Variants in TRIM71 observed in about 807,000 individuals in gnomAD.
TRIM71 encodes tripartite motif containing 71.
TRIM71 carries 9 observed loss-of-function variants against 61.2 expected under a neutral mutation model. The ratio of observed to expected loss-of-function variants is 0.15; its 90% confidence interval spans 0.09 to 0.26. TRIM71 has a LOEUF of 0.26. TRIM71 is among the 10% of genes least tolerant of loss of function. The pLI, the probability that TRIM71 is intolerant of heterozygous loss-of-function variation, is 1.00. For missense variants in TRIM71, 998 were observed against 1,238.7 expected (o/e 0.81, Z 2.92); for synonymous variants, 645 against 553.2 (o/e 1.17, Z -2.33).
chr3:32,818,072 G>A lies in TRIM71; in HGVS notation c.-9G>A. The A allele has an allele frequency of 6.2e-7, 1 of 1,609,808 alleles. No individual in the cohort carries two copies. The highest frequency in any genetic ancestry group is 8.5e-7 in the Non-Finnish European group (1 of 1,177,672). Reference sequence around the variant, plus strand: ...TCTGGTCTCCTCCCTCCTCCGGGCTGGGTTGCAAATGGCTTCGTTCCCCGA... The same window carrying A: ...TCTGGTCTCCTCCCTCCTCCGGGCTAGGTTGCAAATGGCTTCGTTCCCCGA... On this transcript the variant is annotated 5_prime_UTR_variant, in exon 1 of 4. Coordinates refer to ENST00000383763, the MANE Select transcript of TRIM71 (RefSeq NM_001039111.3).
At chr3:32,867,745 T>G (rs1404236569) in intron 1 of TRIM71, among the ~76,000 whole-genome samples, 1 of 152,214 alleles carries the variant, frequency 6.6e-6, no homozygotes, top group Non-Finnish European at 1.5e-5. Flanking sequence ...CACATAAAAA[T>G]GTACTCAGTG....
In TRIM71 at chr3:32,883,034, G is replaced by A. The variant is rs76739599; in HGVS notation, c.1021-2900G>A. ...TTCTGCAGGTACTCTCTGCCTCAGT[G>A]TGCTCTTTGCCCCAGCAGTTCTCCC... On this transcript the variant is annotated intron_variant, in intron 2 of 3. Transcript: ENST00000383763. Among the ~76,000 whole-genome samples, 2,146 of 152,292 alleles carry A rather than the reference G, an allele frequency of 0.014. 139 individuals are homozygous for A. In the East Asian group the frequency reaches 0.21, roughly 15 times the overall value.
intron 1 of TRIM71, among the ~76,000 whole-genome samples, chr3:32,852,018 GAGA>G (rs1204885786): frequency 3.3e-5 from 5 of 152,212 alleles, no homozygotes; most frequent in Non-Finnish European, 7.3e-5. Flanking sequence ...ATTCAGGAGA[GAGA>G]AGTACCCAAA....
chr3:32,818,049 T>C lies in TRIM71; in HGVS notation c.-32T>C. On this transcript the variant is annotated 5_prime_UTR_variant, in exon 1 of 4. Coordinates refer to ENST00000383763, the MANE Select transcript of TRIM71 (RefSeq NM_001039111.3). ...TCCTCCTCCTCCTCCTCTTCCTCTC[T>C]GGTCTCCTCCCTCCTCCGGGCTGGG... 1 of 1,601,856 alleles carries C rather than the reference T, an allele frequency of 6.2e-7. No homozygotes were observed. Among genetic ancestry groups the C allele is most frequent in the Non-Finnish European group, 8.5e-7 (1 of 1,171,430 alleles).
At chr3:32,825,706 TA>T (rs1418632056) in intron 1 of TRIM71, among the ~76,000 whole-genome samples, 1 of 149,498 alleles carries the variant, frequency 6.7e-6, no homozygotes, top group Non-Finnish European at 1.5e-5. Flanking sequence ...AAGAGAAAGA[TA>T]ATGATAAAGA....
chr3:32,889,559 A>AATTATTATTATT (rs35065462), intron 3 of TRIM71, among the ~76,000 whole-genome samples: 41 of 139,596 alleles, frequency 2.9e-4, no homozygotes, highest in Middle Eastern at 3.7e-3. Context: ...GTTTTGTCCC[A>AATTATTATTATT]ATTATTATTA....
intron 1 of TRIM71, among the ~76,000 whole-genome samples, chr3:32,861,894 C>T (rs1214254380): frequency 2.6e-5 from 4 of 152,136 alleles, no homozygotes; most frequent in South Asian, 2.1e-4. Context: ...ACCTGAGCCT[C>T]GGCAATCCCA....
At chr3:32,879,456 T>C (rs1347334896) in intron 2 of TRIM71, among the ~76,000 whole-genome samples, 1 of 152,204 alleles carries the variant, frequency 6.6e-6, no homozygotes, top group Non-Finnish European at 1.5e-5. Context: ...ACCTTTTCTT[T>C]CACTTGAACA....
intron 1 of TRIM71, among the ~76,000 whole-genome samples, chr3:32,857,294 C>T (rs946807376): frequency 9.9e-5 from 15 of 152,198 alleles, no homozygotes; most frequent in African/African-American, 3.6e-4. Flanking sequence ...TGGGTCTGTC[C>T]CATTCTCCCT....
chr3:32,845,451 A>G (rs932155670), intron 1 of TRIM71, among the ~76,000 whole-genome samples: 3 of 152,192 alleles, frequency 2.0e-5, no homozygotes, highest in Non-Finnish European at 4.4e-5. Context: ...CACCATGAAC[A>G]GTCTTGCTGC....
At position 32,818,066 on chromosome 3, in the gene TRIM71, C is replaced by T; in HGVS notation, c.-15C>T. ...TTCCTCTCTGGTCTCCTCCCTCCTC[C>T]GGGCTGGGTTGCAAATGGCTTCGTT... On this transcript the variant is annotated 5_prime_UTR_variant, in exon 1 of 4. Coordinates refer to ENST00000383763, the MANE Select transcript of TRIM71 (RefSeq NM_001039111.3). 2 of 1,609,490 alleles carry T rather than the reference C, an allele frequency of 1.2e-6. No homozygotes were observed. Among genetic ancestry groups the T allele is most frequent in the South Asian group, 1.1e-5 (1 of 91,014 alleles).
intron 1 of TRIM71, among the ~76,000 whole-genome samples, chr3:32,838,863 C>T (rs1311158968): frequency 6.6e-6 from 1 of 151,732 alleles, no homozygotes; most frequent in African/African-American, 2.4e-5. Context: ...TGCAGTGTTG[C>T]GATCTCAGCT....
At chr3:32,852,768 A>C (rs540615857) in intron 1 of TRIM71, among the ~76,000 whole-genome samples, 4 of 141,898 alleles carry the variant, frequency 2.8e-5, no homozygotes, top group South Asian at 4.5e-4. Context: ...TTAAAAAAAA[A>C]AAAAAACAAA....
intron 1 of TRIM71, among the ~76,000 whole-genome samples, chr3:32,864,733 T>C (rs1696712202): frequency 6.6e-6 from 1 of 152,080 alleles, no homozygotes; most frequent in Admixed American, 6.6e-5. Context: ...GTAAAGGAAA[T>C]GTCAGGCATA....
intron 1 of TRIM71, among the ~76,000 whole-genome samples, chr3:32,866,455 G>C (rs1410725990): frequency 6.6e-6 from 1 of 152,050 alleles, no homozygotes; most frequent in East Asian, 1.9e-4. Flanking sequence ...GGCCAGGCTA[G>C]TCAACAAGTG....
At chr3:32,820,683 C>T (rs563576897) in intron 1 of TRIM71, among the ~76,000 whole-genome samples, 5 of 152,250 alleles carry the variant, frequency 3.3e-5, no homozygotes, top group African/African-American at 1.2e-4. Flanking sequence ...TTTATTTGGG[C>T]TGAAACAGTA....
At position 32,891,874 on chromosome 3, in the gene TRIM71, T is replaced by TG. The variant is rs1697030426; in HGVS notation, c.*63_*64insG. On this transcript the variant is annotated 3_prime_UTR_variant, in exon 4 of 4. Coordinates refer to ENST00000383763, the MANE Select transcript of TRIM71 (RefSeq NM_001039111.3). The surrounding 1 kb of genome is among the most constrained non-coding windows in gnomAD (Gnocchi z 8.2). Reference sequence around the variant, plus strand: ...CGTGTCTCTCTCTCTCTCTCTCTCTTTCTCTTTCTCTCTCTTTTTGAATTT... The same window carrying TG: ...CGTGTCTCTCTCTCTCTCTCTCTCTTGTCTCTTTCTCTCTCTTTTTGAATTT... 3 of 1,363,310 alleles carry TG rather than the reference T, an allele frequency of 2.2e-6. No individual in the cohort carries two copies. The highest frequency in any genetic ancestry group is 2.9e-6 in the Non-Finnish European group (3 of 1,022,742). The allele number at this position is 1,363,310 out of a possible 1,614,324, so 84.5% of individuals were successfully genotyped here. A position where few individuals can be genotyped will look rare whatever the true frequency, so the allele number is the denominator to read the frequency against.
intron 1 of TRIM71, among the ~76,000 whole-genome samples, chr3:32,867,188 C>CCTT (rs1696747634): frequency 6.6e-6 from 1 of 151,970 alleles, no homozygotes; most frequent in African/African-American, 2.4e-5. Flanking sequence ...TCCCCCTCCT[C>CCTT]TTTTTTAGAT....
chr3:32,870,347 T>G (rs1351941342), intron 1 of TRIM71, among the ~76,000 whole-genome samples: 4 of 152,184 alleles, frequency 2.6e-5, no homozygotes, highest in Non-Finnish European at 5.9e-5. Context: ...TGGTAGCTTT[T>G]TATTATCAAC....
Sources: gnomAD v4.1 joint callset for allele counts (sites outside exome capture counted in the v4.1 genomes callset) on GRCh38, gnomAD v4.1.1 for gene constraint, Gnocchi (gnomAD v3.1) non-coding constraint, MANE v1.5 for transcripts, NCBI Gene and HGNC (gene_info 2026-07-23, HGNC 2026-07-21) for gene names.